Variants in RANBP2 observed in about 807,000 individuals in gnomAD.
RANBP2 encodes the protein RAN binding protein 2, also known as E3 SUMO-protein ligase RanBP2.
Under a neutral mutation model 303.6 loss-of-function variants are expected in RANBP2, and 57 were observed. The ratio of observed to expected loss-of-function variants is 0.19; its 90% CI spans 0.15 to 0.23. RANBP2 has a LOEUF of 0.23. Ranked by LOEUF, RANBP2 falls within the 10% of genes least tolerant of loss-of-function variation. RANBP2 has a pLI of 1.00. For missense variants in RANBP2, 3,138 were observed against 3,780.8 expected, an observed-to-expected ratio of 0.83 and a Z score of 4.46; for synonymous variants, 1,167 against 1,301.5, an observed-to-expected ratio of 0.90 and a Z score of 2.23.
At chr2:109,177,600 A>G in the RANBP2 span, among the ~76,000 whole-genome samples, 2 of 152,132 alleles carry the variant, frequency 1.3e-5, no homozygotes, top group Non-Finnish European at 2.9e-5. Flanking sequence ...CAGAGAAAGA[A>G]CAAGGCCACA....
chr2:108,919,410 G>T, the RANBP2 span, among the ~76,000 whole-genome samples: 1 of 152,172 alleles, frequency 6.6e-6, no homozygotes, highest in Non-Finnish European at 1.5e-5. Flanking sequence ...CCAGGCTGGA[G>T]TGCAATGGCG....
At chr2:108,910,346 C>T in the RANBP2 span, 2 of 854,800 alleles carry the variant, frequency 2.3e-6, no homozygotes, top group Non-Finnish European at 3.9e-6. Flanking sequence ...CGCCGAACGT[C>T]CCCATAGTGT....
chr2:109,493,768 C>T, the RANBP2 span, among the ~76,000 whole-genome samples: 1 of 152,062 alleles, frequency 6.6e-6, no homozygotes, highest in African/African-American at 2.4e-5. Context: ...ACCAAACATG[C>T]ACTGCACACA....
chr2:109,292,329 A>C, the RANBP2 span, among the ~76,000 whole-genome samples: 2 of 152,206 alleles, frequency 1.3e-5, no homozygotes, highest in African/African-American at 2.4e-5. Context: ...GGGGTTCCAC[A>C]TATGTGTTTG....
At chr2:108,920,947 C>G in the RANBP2 span, among the ~76,000 whole-genome samples, 2 of 152,090 alleles carry the variant, frequency 1.3e-5, no homozygotes, top group Non-Finnish European at 2.9e-5. Flanking sequence ...CTAACTCAGG[C>G]AGTGAAGTTC....
At chr2:108,827,541 G>A in the RANBP2 span, among the ~76,000 whole-genome samples, 1 of 152,144 alleles carries the variant, frequency 6.6e-6, no homozygotes, top group East Asian at 1.9e-4. Context: ...TTTTGGCTGG[G>A]CGCAGTGGCT....
chr2:109,191,159 A>G, the RANBP2 span, among the ~76,000 whole-genome samples: 86 of 152,272 alleles, frequency 5.6e-4, no homozygotes, highest in Non-Finnish European at 7.9e-4. Context: ...AGGGTCCCCA[A>G]CGTGCTATCA....
At chr2:109,488,346 C>A in the RANBP2 span, among the ~76,000 whole-genome samples, 6 of 152,226 alleles carry the variant, frequency 3.9e-5, no homozygotes, top group African/African-American at 1.4e-4. Flanking sequence ...GACATTGCCA[C>A]CTGTCCCCTG....
the RANBP2 span, among the ~76,000 whole-genome samples, chr2:108,808,940 A>T: frequency 6.6e-6 from 1 of 152,034 alleles, no homozygotes; most frequent in African/African-American, 2.4e-5. Context: ...TAGTAGTTGC[A>T]TAGTTTTGGG....
chr2:109,196,272 C>T, the RANBP2 span, among the ~76,000 whole-genome samples: 12 of 152,326 alleles, frequency 7.9e-5, no homozygotes, highest in African/African-American at 2.6e-4. Flanking sequence ...CTCTCCTGGG[C>T]CCCTGGGCTG....
At chr2:109,703,477 G>C in the RANBP2 span, among the ~76,000 whole-genome samples, 2 of 152,186 alleles carry the variant, frequency 1.3e-5, no homozygotes, top group African/African-American at 4.8e-5. Flanking sequence ...CGCCCAGGCT[G>C]GAGTGCAATG....
the RANBP2 span, chr2:109,732,671 T>C: frequency 1.8e-6 from 1 of 562,154 alleles, no homozygotes. Context: ...GGTTTCATCA[T>C]GTTGGCCAGG....
chr2:109,047,872 C>T, the RANBP2 span, among the ~76,000 whole-genome samples: 1 of 152,218 alleles, frequency 6.6e-6, no homozygotes, highest in Non-Finnish European at 1.5e-5. Flanking sequence ...ATAGTGAGGA[C>T]GTGGCAGGGC....
the RANBP2 span, among the ~76,000 whole-genome samples, chr2:109,456,099 G>A: frequency 2.0e-5 from 3 of 152,236 alleles, no homozygotes; most frequent in South Asian, 4.1e-4. Flanking sequence ...CTGGGGGCTT[G>A]GGAACCTCAG....
At chr2:109,640,799 C>T in the RANBP2 span, among the ~76,000 whole-genome samples, 2 of 152,172 alleles carry the variant, frequency 1.3e-5, no homozygotes, top group Non-Finnish European at 2.9e-5. Flanking sequence ...AGCCTGGAGA[C>T]TGAGCATCTG....
At chr2:108,819,110 C>A in the RANBP2 span, among the ~76,000 whole-genome samples, 1 of 152,158 alleles carries the variant, frequency 6.6e-6, no homozygotes, top group African/African-American at 2.4e-5. Flanking sequence ...GTTTCAGGCC[C>A]TTATTCCTCC....
the RANBP2 span, among the ~76,000 whole-genome samples, chr2:108,810,480 ATT>A: frequency 6.6e-6 from 1 of 152,106 alleles, no homozygotes; most frequent in Non-Finnish European, 1.5e-5. Context: ...TTATTTGCAT[ATT>A]TGAGCCTTCC....
At chr2:109,646,025 G>A in the RANBP2 span, among the ~76,000 whole-genome samples, 1 of 152,204 alleles carries the variant, frequency 6.6e-6, no homozygotes. Flanking sequence ...CGTGAAGCCT[G>A]ACACCAGCTG....
At chr2:109,265,361 C>T in the RANBP2 span, among the ~76,000 whole-genome samples, 1 of 152,204 alleles carries the variant, frequency 6.6e-6, no homozygotes, top group East Asian at 1.9e-4. Flanking sequence ...AAAAATTGAC[C>T]TTTCCTGTTA....
Sources: gnomAD v4.1 joint callset for allele counts (sites outside exome capture counted in the v4.1 genomes callset) on GRCh38, gnomAD v4.1.1 for gene constraint, MANE v1.5 for transcripts, NCBI Gene and HGNC (gene_info 2026-07-23, HGNC 2026-07-21) for gene names.